The following ARHGAP10 variants were observed in gnomAD, a reference collection of about 807,000 sequenced individuals.
ARHGAP10 encodes rho GTPase-activating protein 10.
Under a neutral mutation model 108.6 loss-of-function variants are expected in ARHGAP10, and 87 were observed. The ratio of observed to expected loss-of-function variants is 0.80; its 90% CI spans 0.67 to 0.96. The LOEUF (loss-of-function observed/expected upper bound fraction) is 0.96, where lower values mean the gene tolerates loss of function less well. Among genes scored for constraint, ARHGAP10 ranks in the 40% least tolerant of loss-of-function variants. The probability of loss-of-function intolerance (pLI) is 0.00; values close to 1 mark genes in which losing one functional copy is unlikely to be tolerated. For missense variants in ARHGAP10, 939 were observed against 954.5 expected (o/e 0.98, Z 0.21); for synonymous variants, 347 against 341.1 (o/e 1.02, Z -0.19).
At chr4:147,909,309 T>C (rs1054835997) in intron 11 of ARHGAP10, among the ~76,000 whole-genome samples, 12 of 152,316 alleles carry the variant, frequency 7.9e-5, no homozygotes, top group Middle Eastern at 3.4e-3. Flanking sequence ...CACTTCCTCA[T>C]GTTCACCAAC....
chr4:147,897,609 AAGACCCTTAGAAC>A (rs1332349924), intron 10 of ARHGAP10, among the ~76,000 whole-genome samples: 1 of 152,222 alleles, frequency 6.6e-6, no homozygotes, highest in Non-Finnish European at 1.5e-5. Flanking sequence ...CTCAAAAATA[AAGACCCTTAGAAC>A]AGTGGATGAC....
chr4:147,748,406 A>G (rs1729017852), intron 1 of ARHGAP10, among the ~76,000 whole-genome samples: 1 of 152,358 alleles, frequency 6.6e-6, no homozygotes, highest in African/African-American at 2.4e-5. Context: ...GATGTCTTGT[A>G]CCAAGTTTTA....
At chr4:147,888,135 C>G (rs1735644377) in intron 10 of ARHGAP10, among the ~76,000 whole-genome samples, 1 of 152,194 alleles carries the variant, frequency 6.6e-6, no homozygotes, top group African/African-American at 2.4e-5. Context: ...TACTTCTTTG[C>G]CAGTTCTTCA....
In ARHGAP10 at chr4:147,920,402, G is replaced by A. The variant is rs1737190365; in HGVS notation, c.1228+7263G>A. On this transcript the variant is annotated intron_variant, in intron 13 of 22. Transcript: ENST00000336498. ...TGCACTCCAGCCTGGGGACAAGAGT[G>A]AGACTCTGGAAACAAAAACAAAAAA... Among the ~76,000 whole-genome samples the A allele has an allele frequency of 1.4e-5, 2 of 147,054 alleles. 1 individual carries two copies. Among genetic ancestry groups the A allele is most frequent in the South Asian group, 4.3e-4 (2 of 4,702 alleles).
chr4:148,012,889 A>G (rs556500942), intron 18 of ARHGAP10, among the ~76,000 whole-genome samples: 2 of 150,702 alleles, frequency 1.3e-5, no homozygotes, highest in South Asian at 4.2e-4. Context: ...TTTTGTAGAA[A>G]TGTTCCTTTG....
At chr4:147,814,831 T>A (rs1732174592) in intron 1 of ARHGAP10, among the ~76,000 whole-genome samples, 1 of 152,194 alleles carries the variant, frequency 6.6e-6, no homozygotes, top group Admixed American at 6.6e-5. Flanking sequence ...TCATTTTAAC[T>A]GATTACTTCT....
chr4:148,023,070 G>A (rs557512512), intron 18 of ARHGAP10, 193 bp from the exon 19 acceptor site: 3 of 506,970 alleles, frequency 5.9e-6, no homozygotes, highest in South Asian at 8.3e-5. Flanking sequence ...TTTAATCAGA[G>A]ATTTTATTTT....
At chr4:147,873,162 C>T (rs1579143694) in intron 7 of ARHGAP10, among the ~76,000 whole-genome samples, 1 of 152,288 alleles carries the variant, frequency 6.6e-6, no homozygotes, top group East Asian at 1.9e-4. Flanking sequence ...AACAAGAGCT[C>T]CTTTCCAGGA....
intron 7 of ARHGAP10, among the ~76,000 whole-genome samples, chr4:147,873,848 C>CT (rs1236563697): frequency 6.7e-6 from 1 of 149,306 alleles, no homozygotes; most frequent in Non-Finnish European, 1.5e-5. Context: ...GTACTCCAGC[C>CT]TGGGAGACAG....
chr4:147,765,723 C>G (rs1316154429), intron 1 of ARHGAP10, among the ~76,000 whole-genome samples: 1 of 152,080 alleles, frequency 6.6e-6, no homozygotes, highest in Non-Finnish European at 1.5e-5. Flanking sequence ...TTGCTTGAAC[C>G]CAGGAATTTG....
intron 19 of ARHGAP10, among the ~76,000 whole-genome samples, chr4:148,026,822 T>C (rs532597870): frequency 6.6e-6 from 1 of 152,362 alleles, no homozygotes; most frequent in African/African-American, 2.4e-5. Flanking sequence ...TGCTAAGTGC[T>C]GAAAAGATTA....
At chr4:147,781,617 G>A (rs1730533412) in intron 1 of ARHGAP10, among the ~76,000 whole-genome samples, 1 of 150,434 alleles carries the variant, frequency 6.6e-6, no homozygotes, top group Non-Finnish European at 1.5e-5. Context: ...TAAGAATATC[G>A]TTAATGGCTA....
intron 1 of ARHGAP10, among the ~76,000 whole-genome samples, chr4:147,767,176 C>A (rs1579019136): frequency 6.6e-6 from 1 of 152,034 alleles, no homozygotes; most frequent in Non-Finnish European, 1.5e-5. Flanking sequence ...GCAAATCCAG[C>A]AGCAAAGAAA....
intron 14 of ARHGAP10, chr4:147,946,092 C>G (rs546223167): frequency 6.6e-6 from 1 of 152,286 alleles, no homozygotes; most frequent in Non-Finnish European, 1.5e-5. Flanking sequence ...AAATTTTTAC[C>G]GTGGGCATGT....
At chr4:147,744,542 A>G (rs1205332993) in intron 1 of ARHGAP10, among the ~76,000 whole-genome samples, 5 of 152,038 alleles carry the variant, frequency 3.3e-5, no homozygotes, top group Non-Finnish European at 7.4e-5. Context: ...ATCGGAGGAA[A>G]GCAGGACTGG....
chr4:147,784,407 A>T (rs1261605438), intron 1 of ARHGAP10, among the ~76,000 whole-genome samples: 3 of 126,878 alleles, frequency 2.4e-5, no homozygotes, highest in African/African-American at 8.6e-5. Context: ...TATATAATAT[A>T]AAGTTATATA....
Position 147,790,940 on chromosome 4 carries a change from T to C in ARHGAP10, c.155-31787T>C, listed in dbSNP as rs550658852. ...TCCTGTGACCCCTCCTCATCCTGTGTCCTTACCATTCTATAAGTAACCACT... is the reference window on the plus strand; with the variant it reads ...TCCTGTGACCCCTCCTCATCCTGTGCCCTTACCATTCTATAAGTAACCACT... On this transcript the variant is annotated intron_variant, in intron 1 of 22. Coordinates refer to ENST00000336498, the MANE Select transcript of ARHGAP10 (RefSeq NM_024605.4). Among the ~76,000 whole-genome samples the C allele has an allele frequency of 2.6e-5, 4 of 152,258 alleles. No homozygotes were observed. The East Asian group carries it at 7.7e-4, about 29-fold the overall frequency.
At position 147,757,685 on chromosome 4, in the gene ARHGAP10, A is replaced by G. The variant is rs1015746290; in HGVS notation, c.154+25230A>G. Among the ~76,000 whole-genome samples the G allele has an allele frequency of 4.3e-4, 66 of 152,168 alleles. 1 individual carries two copies. The highest frequency in any genetic ancestry group is 1.4e-3 in the African/African-American group (59 of 41,440). ...ACGGGCCTCTACGGTGAGTGTCCTC[A>G]GCTTCACCTTCCACGACTGCACACC... On this transcript the variant is annotated intron_variant, in intron 1 of 22. Coordinates refer to ENST00000336498, the MANE Select transcript of ARHGAP10 (RefSeq NM_024605.4).
intron 10 of ARHGAP10, among the ~76,000 whole-genome samples, chr4:147,892,436 G>T (rs1201631659): frequency 6.6e-6 from 1 of 152,100 alleles, no homozygotes. Flanking sequence ...GACAATTGTT[G>T]ACTGTTTTTG....
Sources: gnomAD v4.1 joint callset for allele counts (sites outside exome capture counted in the v4.1 genomes callset) on GRCh38, gnomAD v4.1.1 for gene constraint, MANE v1.5 for transcripts, NCBI Gene and HGNC (gene_info 2026-07-23, HGNC 2026-07-21) for gene names.